RANBP2: variants seen among roughly 807,000 people sequenced by gnomAD.
The protein encoded by RANBP2 is E3 SUMO-protein ligase RanBP2.
RANBP2 carries 57 observed loss-of-function variants against 303.6 expected under a neutral mutation model. That is an observed-to-expected ratio of 0.19 (90% confidence interval 0.15 to 0.23). The LOEUF (loss-of-function observed/expected upper bound fraction) is 0.23, where lower values mean the gene tolerates loss of function less well. Among genes scored for constraint, RANBP2 ranks in the 10% least tolerant of loss-of-function variants. RANBP2 has a pLI of 1.00. For synonymous variants in RANBP2, 1,167 were observed against 1,301.5 expected (o/e 0.90, Z 2.23); for missense variants, 3,138 against 3,780.8 (o/e 0.83, Z 4.46).
the RANBP2 span, chr2:108,895,772 TCGA>T: frequency 6.6e-6 from 1 of 152,236 alleles, no homozygotes; most frequent in Non-Finnish European, 1.5e-5. Context: ...GCCAGCTCCC[TCGA>T]CATCAAGCCC....
chr2:109,361,267 T>C, the RANBP2 span, among the ~76,000 whole-genome samples: 1 of 152,240 alleles, frequency 6.6e-6, no homozygotes, highest in Non-Finnish European at 1.5e-5. Flanking sequence ...GTTCATGAGA[T>C]ATATAGGTCT....
chr2:109,621,754 A>T, the RANBP2 span, among the ~76,000 whole-genome samples: 1 of 151,964 alleles, frequency 6.6e-6, no homozygotes, highest in African/African-American at 2.4e-5. Context: ...TCTACTAAAA[A>T]TACAAAATAT....
chr2:109,026,738 C>A, the RANBP2 span, among the ~76,000 whole-genome samples: 3 of 152,228 alleles, frequency 2.0e-5, no homozygotes, highest in African/African-American at 4.8e-5. Flanking sequence ...TATTTCCACA[C>A]TTGCCAATTC....
chr2:109,688,781 TAAAAAAAAAAAAA>T, the RANBP2 span, among the ~76,000 whole-genome samples: 8 of 43,726 alleles, frequency 1.8e-4, no homozygotes, highest in African/African-American at 6.0e-4. Flanking sequence ...TCTGTCTCAA[TAAAAAAAAAAAAA>T]AAAAAAAAAA....
the RANBP2 span, among the ~76,000 whole-genome samples, chr2:109,514,601 G>T: frequency 6.6e-6 from 1 of 152,222 alleles, no homozygotes; most frequent in Non-Finnish European, 1.5e-5. Flanking sequence ...TCTTTCCCCT[G>T]TGTACAGACC....
At chr2:109,214,244 A>G in the RANBP2 span, among the ~76,000 whole-genome samples, 820 of 152,286 alleles carry the variant, frequency 5.4e-3, 6 homozygotes, top group Non-Finnish European at 7.2e-3. Context: ...TAAAACCACA[A>G]GAGATAAGAT....
chr2:109,384,391 G>T, the RANBP2 span, among the ~76,000 whole-genome samples: 1 of 152,116 alleles, frequency 6.6e-6, no homozygotes, highest in Admixed American at 6.5e-5. Flanking sequence ...TCGGGACTTG[G>T]CAGGGAAAGC....
chr2:109,365,317 G>C, the RANBP2 span, among the ~76,000 whole-genome samples: 1 of 152,210 alleles, frequency 6.6e-6, no homozygotes, highest in African/African-American at 2.4e-5. Flanking sequence ...CTCTCAGGCT[G>C]TCCACACTGA....
the RANBP2 span, chr2:109,490,537 C>A: frequency 7.9e-7 from 1 of 1,261,594 alleles, no homozygotes; most frequent in Non-Finnish European, 1.0e-6. Context: ...ATGCATTCCC[C>A]TCTCTCTGAC....
At chr2:109,298,061 C>G in the RANBP2 span, among the ~76,000 whole-genome samples, 1 of 152,166 alleles carries the variant, frequency 6.6e-6, no homozygotes. Flanking sequence ...GTGGGATGTT[C>G]TGCACTGGAG....
the RANBP2 span, among the ~76,000 whole-genome samples, chr2:108,851,756 G>A: frequency 6.6e-6 from 1 of 152,148 alleles, no homozygotes. Context: ...AGGAGGGCAG[G>A]AGAAGGTCAG....
chr2:109,294,315 C>G, the RANBP2 span, among the ~76,000 whole-genome samples: 7 of 152,128 alleles, frequency 4.6e-5, no homozygotes, highest in Admixed American at 1.3e-4. Flanking sequence ...AATCCCAGCA[C>G]TTTGTGCAGC....
chr2:109,248,865 TTTTCC>T, the RANBP2 span, among the ~76,000 whole-genome samples: 1 of 133,168 alleles, frequency 7.5e-6, no homozygotes, highest in Admixed American at 7.6e-5. Context: ...TTCCTTTCCT[TTTTCC>T]TTTCCTTTCC....
the RANBP2 span, among the ~76,000 whole-genome samples, chr2:109,569,539 C>T: frequency 9.5e-4 from 144 of 151,950 alleles, 1 homozygote; most frequent in African/African-American, 3.4e-3. Flanking sequence ...AATTTATCAG[C>T]CTTCCATATG....
chr2:109,605,007 G>A, the RANBP2 span: 1 of 152,112 alleles, frequency 6.6e-6, no homozygotes. Context: ...TGAGTTTAAG[G>A]TTCCTATGAG....
the RANBP2 span, among the ~76,000 whole-genome samples, chr2:109,681,689 G>C: frequency 2.0e-5 from 3 of 152,234 alleles, no homozygotes; most frequent in East Asian, 5.8e-4. Context: ...GGAGACAGCA[G>C]TGAGGCCAAT....
At chr2:109,251,883 G>T in the RANBP2 span, among the ~76,000 whole-genome samples, 1 of 152,014 alleles carries the variant, frequency 6.6e-6, no homozygotes, top group South Asian at 2.1e-4. Context: ...TGGGTTCCAG[G>T]GTTCTAGACT....
the RANBP2 span, chr2:109,128,248 G>A: frequency 1.3e-5 from 2 of 152,258 alleles, no homozygotes; most frequent in African/African-American, 2.4e-5. Flanking sequence ...TACTTCCGTT[G>A]CTCTGACGCT....
chr2:109,408,193 A>T, the RANBP2 span, among the ~76,000 whole-genome samples: 1 of 152,144 alleles, frequency 6.6e-6, no homozygotes, highest in Non-Finnish European at 1.5e-5. Flanking sequence ...GGTAGGCCCC[A>T]TGGGACCCAC....
Sources: gnomAD v4.1 joint callset for allele counts (sites outside exome capture counted in the v4.1 genomes callset) on GRCh38, gnomAD v4.1.1 for gene constraint, MANE v1.5 for transcripts, NCBI Gene and HGNC (gene_info 2026-07-23, HGNC 2026-07-21) for gene names.